COL22A1: variants seen among roughly 807,000 people sequenced by gnomAD.
The protein encoded by COL22A1 is collagen alpha-1(XXII) chain.
A neutral mutation model predicts 248.9 loss-of-function variants in COL22A1; 221 were observed. The ratio of observed to expected loss-of-function variants is 0.89; its 90% CI spans 0.80 to 0.99. COL22A1 has a LOEUF of 0.99. Ranked by LOEUF, COL22A1 falls within the 50% of genes least tolerant of loss-of-function variation. The pLI is 0.00. For missense variants in COL22A1, 2,240 were observed against 2,179.0 expected, an observed-to-expected ratio of 1.03 and a Z score of -0.56; for synonymous variants, 891 against 793.4, an observed-to-expected ratio of 1.12 and a Z score of -2.07.
intron 2 of COL22A1, among the ~76,000 whole-genome samples, chr8:138,878,630 G>A (rs1002005600): frequency 3.3e-5 from 5 of 152,148 alleles, no homozygotes; most frequent in Non-Finnish European, 7.4e-5. Context: ...TTTAAAAGGT[G>A]ACTCCATTTT....
chr8:138,807,896 A>C, intron 9 of COL22A1, 84 bp from the exon 10 acceptor site: 22 of 1,362,552 alleles, frequency 1.6e-5, no homozygotes, highest in African/African-American at 2.9e-5. Flanking sequence ...CCACCCCCAC[A>C]TGCTTAGAAG....
intron 18 of COL22A1, among the ~76,000 whole-genome samples, chr8:138,756,537 T>C (rs1360931933): frequency 1.3e-5 from 2 of 152,182 alleles, no homozygotes; most frequent in Non-Finnish European, 2.9e-5. Flanking sequence ...AAAATACATA[T>C]AGTCAATGTT....
chr8:138,724,509 T>C, intron 25 of COL22A1, 106 bp downstream of exon 25: 1 of 1,113,588 alleles, frequency 9.0e-7, no homozygotes, highest in Non-Finnish European at 1.3e-6. Context: ...CAAGGAGTCC[T>C]CAGCTCTAGG....
intron 22 of COL22A1, among the ~76,000 whole-genome samples, chr8:138,741,045 C>A (rs1466634611): frequency 6.6e-6 from 1 of 152,160 alleles, no homozygotes; most frequent in African/African-American, 2.4e-5. Flanking sequence ...AGTTTGGTGT[C>A]CAGGGTTCAC....
At chr8:138,662,607 C>T (rs1423587870) in intron 42 of COL22A1, among the ~76,000 whole-genome samples, 1 of 152,102 alleles carries the variant, frequency 6.6e-6, no homozygotes, top group Non-Finnish European at 1.5e-5. Flanking sequence ...TCTCATTTCC[C>T]GTAAGATTTT....
intron 63 of COL22A1, 49 bp downstream of exon 63, chr8:138,593,968 C>T (rs375061236): frequency 9.6e-5 from 135 of 1,409,678 alleles, no homozygotes; most frequent in Non-Finnish European, 1.2e-4. Context: ...TGTTCCTTCT[C>T]CGCCCTCCAG....
chr8:138,611,661 C>T (rs1350357011), intron 56 of COL22A1, among the ~76,000 whole-genome samples: 1 of 152,240 alleles, frequency 6.6e-6, no homozygotes, highest in African/African-American at 2.4e-5. Context: ...CCTCAAGAAT[C>T]AGTGTTTTCC....
At chr8:138,787,554 A>T (rs908397229) in intron 12 of COL22A1, among the ~76,000 whole-genome samples, 5 of 152,346 alleles carry the variant, frequency 3.3e-5, no homozygotes, top group Admixed American at 1.3e-4. Context: ...AGCATCAGAT[A>T]CTATTATTTT....
intron 32 of COL22A1, among the ~76,000 whole-genome samples, chr8:138,698,015 G>C (rs1241057237): frequency 6.6e-6 from 1 of 152,212 alleles, no homozygotes; most frequent in Non-Finnish European, 1.5e-5. Context: ...GGTGGAGGGC[G>C]GCACAGGCCC....
rs757949013 is a variant in COL22A1 at position 138,598,878 on chromosome 8, AC to A, written c.4205del (p.Gly1402ValfsTer26). 1.9e-6 allele frequency: 3 copies of A among 1,613,888 alleles called. No homozygotes were observed. The highest frequency in any genetic ancestry group is 2.5e-6 in the Non-Finnish European group (3 of 1,179,956). On this transcript the variant is annotated frameshift_variant, in exon 61 of 65. Transcript: ENST00000303045. LOFTEE classifies it high-confidence loss of function. ...KGERGDPGIK[G>X]DKGPPGGKGQ... ...CTTTTCCACCAGGAGGTCCTTTGTC[AC>A]CTTTGATCCCAGGATCTCCCTAAGG... is the stretch of plus-strand genomic sequence containing the variant.
chr8:138,776,054 C>A (rs556240146), intron 15 of COL22A1, 44 bp from the exon 16 acceptor site: 2 of 1,600,664 alleles, frequency 1.2e-6, no homozygotes, highest in East Asian at 4.5e-5. Context: ...CTTAATCTGG[C>A]TTCTCTGTGC....
Position 138,877,829 on chromosome 8 carries a change from C to G in COL22A1, c.579G>C (p.Lys193Asn). 1.9e-6 allele frequency: 3 copies of G among 1,613,032 alleles called. No individual in the cohort carries two copies. In the East Asian group the frequency reaches 6.7e-5, roughly 36 times the overall value. Residue 193 changes from lysine (K) to asparagine (N), a missense_variant, in exon 3 of 65, where the codon AAG (lysine) becomes AAC (asparagine). Coordinates refer to ENST00000303045, the MANE Select transcript of COL22A1 (RefSeq NM_152888.3). ...EELEEIASEP[K>N]SAHVFHVSDF... ...CGGACACGTGGAAGACGTGGGCGGA[C>G]TTGGGCTCTGAGGCGATCTCCTCCA...
chr8:138,835,410 G>A (rs1368714937), intron 4 of COL22A1, among the ~76,000 whole-genome samples: 1 of 152,220 alleles, frequency 6.6e-6, no homozygotes, highest in Non-Finnish European at 1.5e-5. Flanking sequence ...CATCTCTGGA[G>A]ACGGTTGGTT....
chr8:138,822,036 T>TTGTTC (rs1156252168), intron 6 of COL22A1, among the ~76,000 whole-genome samples: 2 of 150,996 alleles, frequency 1.3e-5, no homozygotes, highest in Non-Finnish European at 3.0e-5. Flanking sequence ...TTCCGATTTT[T>TTGTTC]TGTTTTGTTT....
intron 23 of COL22A1, among the ~76,000 whole-genome samples, chr8:138,733,353 T>TA (rs775246757): frequency 9.9e-5 from 15 of 152,170 alleles, no homozygotes; most frequent in Non-Finnish European, 2.1e-4. Flanking sequence ...AAGACAGGCA[T>TA]AAAAAGCATC....
intron 1 of COL22A1, among the ~76,000 whole-genome samples, chr8:138,893,395 G>A (rs1002244105): frequency 6.6e-6 from 1 of 152,060 alleles, no homozygotes; most frequent in Non-Finnish European, 1.5e-5. Flanking sequence ...TATGAAGTGG[G>A]GATTAAAACA....
rs1586959203 is a variant in COL22A1 at position 138,883,099 on chromosome 8, C to G, written c.74G>C (p.Cys25Ser). Residue 25 changes from cysteine (C) to serine (S), a missense_variant, in exon 2 of 65, where the codon TGC becomes TCC. Physicochemically the swap from Cys to Ser is moderately radical, Grantham distance 112. Coordinates refer to ENST00000303045, the MANE Select transcript of COL22A1 (RefSeq NM_152888.3). ...GGCCCCACCTGCCCGCTGAGCCTGG[C>G]AGCCGCCGCCCCCACTCCACAGCAG... is the stretch of plus-strand genomic sequence containing the variant. ...MLLLWSGGGG[C>S]QAQRAGCKSV... 1 of 1,587,168 alleles carries G rather than the reference C, an allele frequency of 6.3e-7. No homozygotes were observed. Among genetic ancestry groups the G allele is most frequent in the East Asian group, 2.3e-5 (1 of 43,296 alleles).
intron 1 of COL22A1, among the ~76,000 whole-genome samples, chr8:138,909,345 T>C (rs1815266619): frequency 6.6e-6 from 1 of 152,144 alleles, no homozygotes; most frequent in Non-Finnish European, 1.5e-5. Context: ...TTGTTTAATT[T>C]TTCCTTATTT....
At chr8:138,705,023 G>A (rs1828299991) in intron 30 of COL22A1, among the ~76,000 whole-genome samples, 1 of 152,158 alleles carries the variant, frequency 6.6e-6, no homozygotes, top group African/African-American at 2.4e-5. Flanking sequence ...GTGGAAGAAA[G>A]GGTATCAATG....
Sources: gnomAD v4.1 joint callset for allele counts (sites outside exome capture counted in the v4.1 genomes callset) on GRCh38, gnomAD v4.1.1 for gene constraint, MANE v1.5 for transcripts, NCBI Gene and HGNC (gene_info 2026-07-23, HGNC 2026-07-21) for gene names.